Variants in GDAP2 observed in about 807,000 individuals in gnomAD.
GDAP2 encodes the protein ganglioside-induced differentiation-associated protein 2.
A neutral mutation model predicts 67.0 loss-of-function variants in GDAP2; 51 were observed. That is an observed-to-expected ratio of 0.76 (90% CI 0.61 to 0.96). GDAP2 has a LOEUF of 0.96. GDAP2 is among the 40% of genes least tolerant of loss of function. GDAP2 has a pLI of 0.00. For synonymous variants in GDAP2, 203 were observed against 207.3 expected (o/e 0.98, Z 0.18); for missense variants, 547 against 588.3 (o/e 0.93, Z 0.73).
intron 8 of GDAP2, among the ~76,000 whole-genome samples, chr1:117,891,101 G>T (rs746176560): frequency 6.6e-6 from 1 of 150,388 alleles, no homozygotes; most frequent in Non-Finnish European, 1.5e-5. Context: ...CTGGTCCCAA[G>T]AATTTTGGAT....
chr1:117,885,324 A>G (rs1648813827), intron 10 of GDAP2, among the ~76,000 whole-genome samples: 1 of 152,078 alleles, frequency 6.6e-6, no homozygotes, highest in South Asian at 2.1e-4. Flanking sequence ...TAACTATATC[A>G]CTATATATGA....
intron 2 of GDAP2, 93 bp downstream of exon 2, chr1:117,920,089 G>T: frequency 1.4e-6 from 1 of 708,122 alleles, no homozygotes; most frequent in Non-Finnish European, 2.5e-6. Flanking sequence ...ACGCAAAGCT[G>T]TATTTCAACA....
chr1:117,883,569 A>ACC lies in GDAP2; in HGVS notation c.1165_1166insGG (p.Val389GlyfsTer7). On this transcript the variant is annotated frameshift_variant, in exon 11 of 14. Transcript: ENST00000369443. LOFTEE classifies it high-confidence loss of function. Reference sequence around the variant, plus strand: ...TTCGCTGGTCAGGGTGTGAAAATACACTAATACATACTCCTTCACAGCAAT... The same window carrying ACC: ...TTCGCTGGTCAGGGTGTGAAAATACACCCTAATACATACTCCTTCACAGCAAT... 2 of 1,599,920 alleles carry ACC rather than the reference A, an allele frequency of 1.3e-6. No individual in the cohort carries two copies. The highest frequency in any genetic ancestry group is 1.7e-6 in the Non-Finnish European group (2 of 1,167,348).
chr1:117,918,737 C>G lies in GDAP2; in HGVS notation c.177-1G>C, dbSNP rs1393534354. ...GTTCAGTAATGCCACATCTCCTTTC[C>G]TGAAGAAACAATAAAGAATGAACAA... On this transcript the variant is annotated splice_acceptor_variant, in intron 2 of 13. Transcript: ENST00000369443. LOFTEE classifies it high-confidence loss of function. The G allele has an allele frequency of 1.9e-6, 3 of 1,597,232 alleles. No homozygotes were observed. The highest frequency in any genetic ancestry group is 1.3e-5 in the African/African-American group (1 of 74,456).
At position 117,870,233 on chromosome 1, in the gene GDAP2, G is replaced by A. The variant is rs1235466630; in HGVS notation, c.*336C>T. 5 of 317,376 alleles carry A rather than the reference G, an allele frequency of 1.6e-5. No individual in the cohort carries two copies. The highest frequency in any genetic ancestry group is 2.9e-5 in the Non-Finnish European group (5 of 171,314). 19.7% of individuals were successfully genotyped at this position (317,376 alleles called of 1,614,324 possible). Reference sequence around the variant, plus strand: ...AAGCGTGCAATGTTAGAGAGATGATGTGAACAGTCTTGGTGGTTTATCTAA... The same window carrying A: ...AAGCGTGCAATGTTAGAGAGATGATATGAACAGTCTTGGTGGTTTATCTAA... On this transcript the variant is annotated 3_prime_UTR_variant, in exon 14 of 14. Coordinates refer to ENST00000369443, the MANE Select transcript of GDAP2 (RefSeq NM_017686.4).
At chr1:117,889,481 A>C (rs903899001) in intron 8 of GDAP2, among the ~76,000 whole-genome samples, 1 of 151,926 alleles carries the variant, frequency 6.6e-6, no homozygotes, top group African/African-American at 2.4e-5. Context: ...CCACCCCAAT[A>C]CCACCAGCAT....
At chr1:117,915,772 G>A (rs1380561293) in intron 3 of GDAP2, among the ~76,000 whole-genome samples, 1 of 151,940 alleles carries the variant, frequency 6.6e-6, no homozygotes, top group African/African-American at 2.4e-5. Flanking sequence ...GGAAATTTAG[G>A]TACAATAAGC....
chr1:117,882,011 A>T (rs1648664911), intron 11 of GDAP2, 134 bp from the exon 12 acceptor site: 1 of 581,354 alleles, frequency 1.7e-6, no homozygotes, highest in Middle Eastern at 4.6e-4. Context: ...TATAATTTAC[A>T]GATTGAATTT....
At chr1:117,923,980 G>T (rs560640933) in intron 1 of GDAP2, among the ~76,000 whole-genome samples, 1 of 152,166 alleles carries the variant, frequency 6.6e-6, no homozygotes, top group Non-Finnish European at 1.5e-5. Flanking sequence ...TCTGGATATT[G>T]TTGCTTGCAT....
In GDAP2 at chr1:117,912,769, T is replaced by C. The variant is rs912519976; in HGVS notation, c.317-86A>G. The C allele has an allele frequency of 2.1e-5, 23 of 1,095,458 alleles. No individual in the cohort carries two copies. The Admixed American group carries it at 2.3e-4, about 11-fold the overall frequency. The allele number at this position is 1,095,458 out of a possible 1,614,324, so 67.9% of individuals were successfully genotyped here. Reference sequence around the variant, plus strand: ...ATGAAAGCATGAAACAGAGAAAGTATTGAGAACTTTGAGAAATTTCAGTTA... The same window carrying C: ...ATGAAAGCATGAAACAGAGAAAGTACTGAGAACTTTGAGAAATTTCAGTTA... On this transcript the variant is annotated intron_variant, in intron 3 of 13. Coordinates refer to ENST00000369443, the MANE Select transcript of GDAP2 (RefSeq NM_017686.4).
At chr1:117,882,286 G>T (rs538021787) in intron 11 of GDAP2, among the ~76,000 whole-genome samples, 1 of 152,066 alleles carries the variant, frequency 6.6e-6, no homozygotes, top group Non-Finnish European at 1.5e-5. Flanking sequence ...ACAGATTGTT[G>T]TAACAATCTG....
At position 117,904,397 on chromosome 1, in the gene GDAP2, T is replaced by A. The variant is rs575049189; in HGVS notation, c.636+2109A>T. ...GGACAATCTCATTTTACTAAGAGGA[T>A]GTGTGACAGTATTCTTTCATCTTTT... is the stretch of plus-strand genomic sequence containing the variant. On this transcript the variant is annotated intron_variant, in intron 6 of 13. Transcript: ENST00000369443. 2.8e-4 allele frequency among the ~76,000 whole-genome samples: 43 copies of A among 152,340 alleles called. No homozygotes were observed. In the South Asian group the frequency reaches 7.0e-3, roughly 25 times the overall value.
At position 117,869,725 on chromosome 1, in the gene GDAP2, G is replaced by C. The variant is rs1456059123; in HGVS notation, c.*844C>G. The C allele has an allele frequency of 2.6e-5, 4 of 152,644 alleles. No homozygotes were observed. The highest frequency in any genetic ancestry group is 5.9e-5 in the Non-Finnish European group (4 of 68,062). The allele number at this position is 152,644 out of a possible 1,614,324, so 9.5% of individuals were successfully genotyped here. On this transcript the variant is annotated 3_prime_UTR_variant, in exon 14 of 14. Coordinates refer to ENST00000369443, the MANE Select transcript of GDAP2 (RefSeq NM_017686.4). The stretch of plus-strand genomic sequence containing the variant: ...CTATGAAATGTCCTTAGAGGTAGTA[G>C]ACCTGATAGCTAAACAAAATCATTC...
intron 13 of GDAP2, among the ~76,000 whole-genome samples, chr1:117,873,138 A>C (rs1036722275): frequency 2.0e-5 from 3 of 152,212 alleles, no homozygotes; most frequent in African/African-American, 7.2e-5. Flanking sequence ...ACTGGGCAAG[A>C]GACTGCTGAG....
At chr1:117,884,659 T>C (rs1648784185) in intron 10 of GDAP2, among the ~76,000 whole-genome samples, 1 of 152,132 alleles carries the variant, frequency 6.6e-6, no homozygotes, top group South Asian at 2.1e-4. Flanking sequence ...CAGAACCCCA[T>C]GCAAGTACAC....
intron 7 of GDAP2, 48 bp downstream of exon 7, chr1:117,899,009 T>G: frequency 6.9e-7 from 1 of 1,454,742 alleles, no homozygotes; most frequent in Non-Finnish European, 9.6e-7. Context: ...TGGTGCCTAT[T>G]TTTGGCCCTA....
At chr1:117,924,396 T>C (rs1557812489) in intron 1 of GDAP2, among the ~76,000 whole-genome samples, 1 of 152,214 alleles carries the variant, frequency 6.6e-6, no homozygotes, top group Non-Finnish European at 1.5e-5. Flanking sequence ...GGTTTTCTGT[T>C]CCTGCATTAG....
chr1:117,923,951 A>T (rs1046802112), intron 1 of GDAP2, among the ~76,000 whole-genome samples: 3 of 152,238 alleles, frequency 2.0e-5, no homozygotes, highest in South Asian at 2.1e-4. Flanking sequence ...TTATCTGCTG[A>T]AACTGTAGTG....
chr1:117,886,823 C>A (rs75964795), intron 9 of GDAP2, among the ~76,000 whole-genome samples, 170 bp from the exon 10 acceptor site: 1 of 140,656 alleles, frequency 7.1e-6, no homozygotes, highest in Non-Finnish European at 1.6e-5. Flanking sequence ...GCAGACAACA[C>A]CTATTTTTTA....
Sources: gnomAD v4.1 joint callset for allele counts (sites outside exome capture counted in the v4.1 genomes callset) on GRCh38, gnomAD v4.1.1 for gene constraint, MANE v1.5 for transcripts, NCBI Gene and HGNC (gene_info 2026-07-23, HGNC 2026-07-21) for gene names.